MCC: variants seen among roughly 807,000 people sequenced by gnomAD.
The protein encoded by MCC is MCC regulator of Wnt signaling pathway.
In MCC, 90 loss-of-function variants were observed where a neutral mutation model predicts 116.2. The observed-to-expected ratio is 0.77, with a 90% CI of 0.65 to 0.92. The LOEUF (loss-of-function observed/expected upper bound fraction) is 0.92. Ranked by LOEUF, MCC falls within the 40% of genes least tolerant of loss-of-function variation. The pLI is 0.00. For synonymous variants in MCC, 578 were observed against 510.5 expected (o/e 1.13, Z -1.78); for missense variants, 1,516 against 1,312.2 (o/e 1.16, Z -2.40).
At position 113,314,165 on chromosome 5, in the gene MCC, C is replaced by A. The variant is rs1162138582; in HGVS notation, c.627+26354G>T. ...ATATTCCAGATTCTCTCAAACCTCC[C>A]AGGGAGGCCTGTATAAAATCTGTCA... On this transcript the variant is annotated intron_variant, in intron 3 of 18. Coordinates refer to ENST00000408903, the MANE Select transcript of MCC (RefSeq NM_001085377.2). Among the ~76,000 whole-genome samples the A allele has an allele frequency of 2.6e-5, 4 of 152,242 alleles. No homozygotes were observed. In the South Asian group the frequency reaches 6.2e-4, roughly 24 times the overall value.
chr5:113,389,238 A>G lies in MCC; in HGVS notation c.171-4026T>C, dbSNP rs190519497. 1.8e-3 allele frequency among the ~76,000 whole-genome samples: 270 copies of G among 152,302 alleles called. 3 individuals carry two copies. Among genetic ancestry groups the G allele is most frequent in the African/African-American group, 6.3e-3 (260 of 41,574 alleles). ...CCATACGCCACCTTGCCAGGTTGTT[A>G]CAAATGGCCTTCAATGACGTACAGT... On this transcript the variant is annotated intron_variant, in intron 1 of 18. Coordinates refer to ENST00000408903, the MANE Select transcript of MCC (RefSeq NM_001085377.2).
chr5:113,373,070 T>C (rs1279338508), intron 2 of MCC, among the ~76,000 whole-genome samples: 1 of 151,740 alleles, frequency 6.6e-6, no homozygotes, highest in Non-Finnish European at 1.5e-5. Context: ...TCTCAGCTAC[T>C]CGGGAGGCTG....
Position 113,340,577 on chromosome 5 carries a change from G to C in MCC, c.569C>G (p.Thr190Arg). 6.2e-6 allele frequency: 10 copies of C among 1,614,210 alleles called. No homozygotes were observed. Among genetic ancestry groups the C allele is most frequent in the Non-Finnish European group, 8.5e-6 (10 of 1,180,028 alleles). Residue 190 changes from threonine to arginine, a missense_variant, in exon 3 of 19, where the codon ACA becomes AGA. Coordinates refer to ENST00000408903, the MANE Select transcript of MCC (RefSeq NM_001085377.2). The part of the protein sequence containing the change: ...HQQAALHKLL[T>R]QSPHIGNSVG... ...AGAGTTGCCAATGTGCGGGGACTGT[G>C]TGAGCAGTTTGTGGAGAGCAGCCTG... is the stretch of plus-strand genomic sequence containing the variant.
At chr5:113,046,153 G>A (rs983199929) in intron 16 of MCC, among the ~76,000 whole-genome samples, 10 of 150,590 alleles carry the variant, frequency 6.6e-5, no homozygotes, top group Non-Finnish European at 1.5e-4. Context: ...TTACTGTAGT[G>A]TTAAAAAAAA....
At chr5:113,419,635 T>C (rs1015021240) in intron 1 of MCC, among the ~76,000 whole-genome samples, 1 of 151,978 alleles carries the variant, frequency 6.6e-6, no homozygotes, top group African/African-American at 2.4e-5. Context: ...TGTCCAACAA[T>C]GATAGACTGG....
intron 1 of MCC, among the ~76,000 whole-genome samples, chr5:113,405,632 G>A (rs942103350): frequency 2.0e-5 from 3 of 151,552 alleles, no homozygotes; most frequent in African/African-American, 4.9e-5. Context: ...CCCCAACCCC[G>A]ATCTCTACAA....
intron 1 of MCC, 119 bp downstream of exon 1, chr5:113,488,126 T>C: frequency 2.7e-6 from 3 of 1,098,830 alleles, no homozygotes; most frequent in Non-Finnish European, 3.7e-6. Context: ...GCGGCCAACT[T>C]TTCCCGCGAG....
At position 113,059,745 on chromosome 5, in the gene MCC, A is replaced by G. The variant is rs144231366; in HGVS notation, c.2213+4239T>C. On this transcript the variant is annotated intron_variant, in intron 14 of 18. Transcript: ENST00000408903. ...TCCCGTCACGCTGGCTTTCCTCTGC[A>G]TCTGTTCATTGCCAGCAGCTCTTCC... is the stretch of plus-strand genomic sequence containing the variant. Among the ~76,000 whole-genome samples the G allele has an allele frequency of 5.1e-4, 77 of 152,288 alleles. 1 individual carries two copies. In the Middle Eastern group the frequency reaches 0.01, roughly 20 times the overall value.
intron 3 of MCC, among the ~76,000 whole-genome samples, chr5:113,319,317 A>G (rs1767362657): frequency 1.3e-5 from 2 of 152,244 alleles, no homozygotes; most frequent in Admixed American, 1.3e-4. Flanking sequence ...GAGAGCTCCG[A>G]GAAGCAGAGA....
chr5:113,084,026 C>T (rs1755034491), intron 10 of MCC, 75 bp downstream of exon 10: 1 of 1,152,006 alleles, frequency 8.7e-7, no homozygotes, highest in Non-Finnish European at 1.3e-6. Flanking sequence ...TTTGGAAGTT[C>T]TTCTGTCATC....
intron 3 of MCC, among the ~76,000 whole-genome samples, chr5:113,223,588 A>G (rs1763627296): frequency 6.6e-6 from 1 of 152,222 alleles, no homozygotes; most frequent in African/African-American, 2.4e-5. Context: ...GGGACTGGAA[A>G]GGAAGAGAGG....
At chr5:113,265,673 C>T (rs1765392322) in intron 3 of MCC, among the ~76,000 whole-genome samples, 1 of 152,174 alleles carries the variant, frequency 6.6e-6, no homozygotes, top group Non-Finnish European at 1.5e-5. Context: ...CACAGAGGAA[C>T]TTGAGCATAT....
At chr5:113,330,579 C>T (rs1767675209) in intron 3 of MCC, among the ~76,000 whole-genome samples, 1 of 152,222 alleles carries the variant, frequency 6.6e-6, no homozygotes, top group Admixed American at 6.5e-5. Context: ...AAATGATAGA[C>T]ATGGTGCTGC....
intron 2 of MCC, among the ~76,000 whole-genome samples, chr5:113,367,786 T>G (rs1480556019): frequency 6.6e-6 from 1 of 152,018 alleles, no homozygotes; most frequent in Non-Finnish European, 1.5e-5. Context: ...GGCATATAGG[T>G]CAGCATTATC....
At chr5:113,473,120 G>A (rs1772138521) in intron 1 of MCC, among the ~76,000 whole-genome samples, 1 of 152,120 alleles carries the variant, frequency 6.6e-6, no homozygotes, top group South Asian at 2.1e-4. Flanking sequence ...CTAAATGTTA[G>A]TTTACTGTGA....
intron 14 of MCC, among the ~76,000 whole-genome samples, chr5:113,060,345 G>A (rs1270545424): frequency 1.3e-5 from 2 of 152,102 alleles, no homozygotes; most frequent in Admixed American, 6.6e-5. Flanking sequence ...AATAGCAACA[G>A]GATTTCACTA....
intron 11 of MCC, among the ~76,000 whole-genome samples, chr5:113,079,606 T>A (rs1473245712): frequency 6.6e-6 from 1 of 152,352 alleles, no homozygotes; most frequent in South Asian, 2.1e-4. Context: ...GCTAGCCATA[T>A]GTAGAAAGCT....
intron 1 of MCC, among the ~76,000 whole-genome samples, chr5:113,396,476 C>A (rs1028343087): frequency 9.0e-5 from 13 of 143,998 alleles, no homozygotes; most frequent in African/African-American, 1.3e-4. Context: ...ACTAACAATA[C>A]AAAAAAAAAA....
At chr5:113,401,206 TAA>T (rs959688230) in intron 1 of MCC, among the ~76,000 whole-genome samples, 36 of 152,314 alleles carry the variant, frequency 2.4e-4, no homozygotes, top group African/African-American at 8.4e-4. Flanking sequence ...ACCATTATTA[TAA>T]AAAGACAATT....
Sources: allele counts gnomAD v4.1 joint callset (sites outside exome capture counted in the v4.1 genomes callset), GRCh38; gene constraint gnomAD v4.1.1; transcripts MANE v1.5; gene names NCBI Gene and HGNC (gene_info 2026-07-23, HGNC 2026-07-21).